The following LRRFIP1 variants were observed in gnomAD, a reference collection of about 807,000 sequenced individuals.
LRRFIP1 encodes the protein leucine-rich repeat flightless-interacting protein 1.
Under a neutral mutation model 104.4 loss-of-function variants are expected in LRRFIP1, and 62 were observed. That is an observed-to-expected ratio of 0.59 (90% confidence interval 0.48 to 0.73). The LOEUF (loss-of-function observed/expected upper bound fraction) is 0.73, where lower values mean the gene tolerates loss of function less well. Among genes scored for constraint, LRRFIP1 ranks in the 30% least tolerant of loss-of-function variants. The pLI, the probability that LRRFIP1 is intolerant of heterozygous loss-of-function variation, is 0.00. For missense variants in LRRFIP1, 796 were observed against 824.5 expected, an observed-to-expected ratio of 0.97 and a Z score of 0.42; for synonymous variants, 300 against 299.0, an observed-to-expected ratio of 1.00 and a Z score of -0.03.
In LRRFIP1 at chr2:237,760,690, G is replaced by A. The variant is rs552338180; in HGVS notation, c.1459+485G>A. ...GCAGCATTCAGCGCTTTGAGGGTACGGGGTGCCTGTGGACAGCAGGTCCGT... is the reference window on the plus strand; with the variant it reads ...GCAGCATTCAGCGCTTTGAGGGTACAGGGTGCCTGTGGACAGCAGGTCCGT... On this transcript the variant is annotated intron_variant, in intron 19 of 23. Coordinates refer to ENST00000308482, the MANE Select transcript of LRRFIP1 (RefSeq NM_001137550.2). Among the ~76,000 whole-genome samples, 11 of 152,294 alleles carry A rather than the reference G, an allele frequency of 7.2e-5. No homozygotes were observed. In the East Asian group the frequency reaches 1.4e-3, roughly 19 times the overall value.
At chr2:237,647,381 C>G (rs912894009) in intron 1 of LRRFIP1, among the ~76,000 whole-genome samples, 1 of 151,998 alleles carries the variant, frequency 6.6e-6, no homozygotes, top group Non-Finnish European at 1.5e-5. Flanking sequence ...AGAAGTGGCA[C>G]AGATGGTGGA....
chr2:237,696,781 A>G (rs191243874), intron 1 of LRRFIP1, among the ~76,000 whole-genome samples: 1 of 152,346 alleles, frequency 6.6e-6, no homozygotes, highest in Non-Finnish European at 1.5e-5. Context: ...AATGTGCAAG[A>G]TATAGCTGTG....
intron 23 of LRRFIP1, among the ~76,000 whole-genome samples, chr2:237,775,492 G>T (rs962475112): frequency 6.6e-6 from 1 of 152,208 alleles, no homozygotes; most frequent in African/African-American, 2.4e-5. Context: ...GGGAGCTACT[G>T]CAGGGTTTTG....
At chr2:237,740,140 T>C (rs1466056007) in intron 11 of LRRFIP1, among the ~76,000 whole-genome samples, 1 of 151,824 alleles carries the variant, frequency 6.6e-6, no homozygotes, top group African/African-American at 2.4e-5. Context: ...GTGTGGTGGC[T>C]CACATCTGTA....
chr2:237,671,197 G>A (rs1432605522), intron 1 of LRRFIP1, among the ~76,000 whole-genome samples: 1 of 152,200 alleles, frequency 6.6e-6, no homozygotes, highest in Non-Finnish European at 1.5e-5. Flanking sequence ...CCATGGACTT[G>A]TGTCCCTCGT....
chr2:237,754,452 G>T (rs188006773), intron 15 of LRRFIP1, among the ~76,000 whole-genome samples: 2 of 152,338 alleles, frequency 1.3e-5, no homozygotes, highest in Non-Finnish European at 2.9e-5. Flanking sequence ...ATTCCACGAA[G>T]GCTGGGCTTG....
chr2:237,640,750 TCTC>T (rs2083833888), intron 1 of LRRFIP1, among the ~76,000 whole-genome samples: 1 of 152,180 alleles, frequency 6.6e-6, no homozygotes, highest in South Asian at 2.1e-4. Context: ...TGCACGATAC[TCTC>T]CTCATCACCT....
intron 13 of LRRFIP1, among the ~76,000 whole-genome samples, chr2:237,749,531 C>T (rs1470312580): frequency 6.6e-6 from 1 of 152,178 alleles, no homozygotes; most frequent in Non-Finnish European, 1.5e-5. Context: ...TACCCACTGA[C>T]CCCCCAGCAG....
rs1228358476 is a variant in LRRFIP1, at chr2:237,717,825, A to G, written c.249+16A>G. 1.2e-6 allele frequency: 2 copies of G among 1,606,232 alleles called. No homozygotes were observed. Among genetic ancestry groups the G allele is most frequent in the African/African-American group, 1.3e-5 (1 of 74,876 alleles). On this transcript the variant is annotated intron_variant, in intron 4 of 23. Coordinates refer to ENST00000308482, the MANE Select transcript of LRRFIP1 (RefSeq NM_001137550.2). This position sits in a 1 kb window ranked among gnomAD's most constrained non-coding sequence, Gnocchi z 4.2. ...GCAGTGGATGGTAGGCCTTGAATAT[A>G]ATTTTGTTTTTACTCTTCCCTCCCC...
At chr2:237,676,937 T>C (rs2091235503) in intron 1 of LRRFIP1, among the ~76,000 whole-genome samples, 1 of 152,272 alleles carries the variant, frequency 6.6e-6, no homozygotes, top group South Asian at 2.1e-4. Flanking sequence ...GCTCCTGTTT[T>C]CTGGGGAAAC....
Position 237,748,346 on chromosome 2 carries a change from G to T in LRRFIP1, c.634-18G>T, listed in dbSNP as rs774995714. The T allele has an allele frequency of 4.4e-6, 7 of 1,579,418 alleles. No individual in the cohort carries two copies. The highest frequency in any genetic ancestry group is 6.1e-6 in the Non-Finnish European group (7 of 1,151,900). ...ATGCTTTTAAAGTATTTAATATTTT[G>T]TCTGTTTTCGTCTACAGGTAGAAGA... On this transcript the variant is annotated intron_variant, in intron 11 of 23. Coordinates refer to ENST00000308482, the MANE Select transcript of LRRFIP1 (RefSeq NM_001137550.2).
At chr2:237,676,194 T>C (rs536139307) in intron 1 of LRRFIP1, among the ~76,000 whole-genome samples, 1 of 152,344 alleles carries the variant, frequency 6.6e-6, no homozygotes, top group East Asian at 1.9e-4. Context: ...CCCATGCAAC[T>C]TTCTGTCTCC....
In LRRFIP1 at chr2:237,767,238, G is replaced by A. The variant is rs2060302744; in HGVS notation, c.1460-2705G>A. Among the ~76,000 whole-genome samples, 2 of 152,136 alleles carry A rather than the reference G, an allele frequency of 1.3e-5. 1 individual carries two copies. Among genetic ancestry groups the A allele is most frequent in the South Asian group, 4.1e-4 (2 of 4,826 alleles). Reference sequence around the variant, plus strand: ...GCTATACTCCATATAAGAAGGTATAGAAATATATAGAGCAATTTAGAAAGA... The same window carrying A: ...GCTATACTCCATATAAGAAGGTATAAAAATATATAGAGCAATTTAGAAAGA... On this transcript the variant is annotated intron_variant, in intron 19 of 23. Coordinates refer to ENST00000308482, the MANE Select transcript of LRRFIP1 (RefSeq NM_001137550.2).
chr2:237,633,804 T>C (rs1458933900), intron 1 of LRRFIP1, among the ~76,000 whole-genome samples: 1 of 152,170 alleles, frequency 6.6e-6, no homozygotes, highest in African/African-American at 2.4e-5. Context: ...CCCAGGCTGC[T>C]TCCTGGATCA....
Position 237,766,187 on chromosome 2 carries a change from G to C in LRRFIP1, c.1460-3756G>C, listed in dbSNP as rs1033645620. On this transcript the variant is annotated intron_variant, in intron 19 of 23. Transcript: ENST00000308482. The surrounding 1 kb of genome is among the most constrained non-coding windows in gnomAD (Gnocchi z 4.8). ...CTGATGTGCAGCCTCAGCTGAAAAC[G>C]GTCTTCACCTGTGGCTGTGCTTACC... Among the ~76,000 whole-genome samples the C allele has an allele frequency of 6.6e-6, 1 of 152,166 alleles. No individual in the cohort carries two copies.
intron 19 of LRRFIP1, 59 bp downstream of exon 19, chr2:237,760,264 C>G (rs2059719736): frequency 1.3e-6 from 2 of 1,582,120 alleles, no homozygotes; most frequent in Admixed American, 3.5e-5. Flanking sequence ...GGTTCACCCT[C>G]CATGCACTGC....
chr2:237,750,543 G>A (rs2150644655), intron 13 of LRRFIP1, among the ~76,000 whole-genome samples: 1 of 151,974 alleles, frequency 6.6e-6, no homozygotes, highest in East Asian at 1.9e-4. Flanking sequence ...CGCCATGTTG[G>A]CCAGGCTGGT....
Position 237,727,914 on chromosome 2 carries a change from C to T in LRRFIP1, c.423C>T (p.Ser141=). Residue 141 remains serine, a synonymous_variant, in exon 8 of 24, where the codon TCC becomes TCT. Coordinates refer to ENST00000308482, the MANE Select transcript of LRRFIP1 (RefSeq NM_001137550.2). The part of the protein sequence containing the change: ...GYDGELYGSQ[S]LNRRSGRPSC... Reference sequence around the variant, plus strand: ...ATGGAGAATTGTATGGATCACAGTCCCTGAATAGAAGATCTGGCAGGGTTA... The same window carrying T: ...ATGGAGAATTGTATGGATCACAGTCTCTGAATAGAAGATCTGGCAGGGTTA... 3.1e-6 allele frequency: 5 copies of T among 1,611,340 alleles called. No individual in the cohort carries two copies. Among genetic ancestry groups the T allele is most frequent in the South Asian group, 2.2e-5 (2 of 90,674 alleles).
intron 1 of LRRFIP1, among the ~76,000 whole-genome samples, chr2:237,675,523 G>A (rs2091023603): frequency 6.6e-6 from 1 of 152,186 alleles, no homozygotes; most frequent in African/African-American, 2.4e-5. Flanking sequence ...GCTGAGAGCA[G>A]TTGCCAGCCT....
Sources: gnomAD v4.1 joint callset for allele counts (sites outside exome capture counted in the v4.1 genomes callset) on GRCh38, gnomAD v4.1.1 for gene constraint, Gnocchi (gnomAD v3.1) non-coding constraint, MANE v1.5 for transcripts, NCBI Gene and HGNC (gene_info 2026-07-23, HGNC 2026-07-21) for gene names.